KHDRBS3: variants seen among roughly 807,000 people sequenced by gnomAD.
The protein encoded by KHDRBS3 is KH RNA binding domain containing, signal transduction associated 3, also known as KH domain-containing, RNA-binding, signal transduction-associated protein 3.
In KHDRBS3, 23 loss-of-function variants were observed where a neutral mutation model predicts 45.6. That is an observed-to-expected ratio of 0.50 (90% CI 0.36 to 0.72). The LOEUF is 0.72. KHDRBS3 is among the 30% of genes least tolerant of loss of function. The pLI, the probability that KHDRBS3 is intolerant of heterozygous loss-of-function variation, is 0.00. For synonymous variants in KHDRBS3, 162 were observed against 156.5 expected, an observed-to-expected ratio of 1.04 and a Z score of -0.26; for missense variants, 352 against 424.8, an observed-to-expected ratio of 0.83 and a Z score of 1.51.
At chr8:135,573,760 G>A (rs960625514) in intron 5 of KHDRBS3, among the ~76,000 whole-genome samples, 28 of 151,842 alleles carry the variant, frequency 1.8e-4, no homozygotes, top group Non-Finnish European at 3.2e-4. Context: ...TTCATTCAAA[G>A]CATTCTTCCC....
At chr8:135,461,253 C>T (rs1448100290) in intron 1 of KHDRBS3, among the ~76,000 whole-genome samples, 6 of 151,968 alleles carry the variant, frequency 3.9e-5, no homozygotes, top group East Asian at 1.9e-4. Context: ...TGCAGGTGTG[C>T]GCCACCATGC....
chr8:135,616,099 C>T (rs146872269), intron 7 of KHDRBS3, among the ~76,000 whole-genome samples: 22 of 152,280 alleles, frequency 1.4e-4, no homozygotes, highest in African/African-American at 4.8e-4. Flanking sequence ...TGCGTACTTA[C>T]CAAGTGTGAG....
Position 135,457,820 on chromosome 8 carries a change from C to G in KHDRBS3, c.-47C>G. 7.5e-7 allele frequency: 1 copy of G among 1,339,812 alleles called. No individual in the cohort carries two copies. The highest frequency in any genetic ancestry group is 1.0e-6 in the Non-Finnish European group (1 of 994,730). The allele number at this position is 1,339,812 out of a possible 1,614,324, so 83.0% of individuals were successfully genotyped here. ...GGGGTCGGGGGTTGCCGGGCGCCGC[C>G]CCCCGTGCGCCTGGAGTCCACATCC... is the stretch of plus-strand genomic sequence containing the variant. On this transcript the variant is annotated 5_prime_UTR_variant, in exon 1 of 9. Coordinates refer to ENST00000355849, the MANE Select transcript of KHDRBS3 (RefSeq NM_006558.3). The surrounding 1 kb of genome is among the most constrained non-coding windows in gnomAD (Gnocchi z 4.4).
intron 3 of KHDRBS3, among the ~76,000 whole-genome samples, chr8:135,543,996 C>T (rs1024480271): frequency 6.6e-6 from 1 of 152,086 alleles, no homozygotes; most frequent in South Asian, 2.1e-4. Flanking sequence ...AAACATTGCT[C>T]TCTTAAATTA....
intron 1 of KHDRBS3, among the ~76,000 whole-genome samples, chr8:135,509,270 G>C (rs531573784): frequency 6.6e-6 from 1 of 152,282 alleles, no homozygotes; most frequent in South Asian, 2.1e-4. Context: ...GCCAGCTCTT[G>C]TAATTTGGTA....
chr8:135,497,868 G>A (rs1435966597), intron 1 of KHDRBS3, among the ~76,000 whole-genome samples: 3 of 152,104 alleles, frequency 2.0e-5, no homozygotes, highest in Admixed American at 6.5e-5. Context: ...CATTCTGTTT[G>A]TATTATTCCA....
chr8:135,478,181 G>T (rs184995945), intron 1 of KHDRBS3, among the ~76,000 whole-genome samples: 13 of 152,288 alleles, frequency 8.5e-5, no homozygotes, highest in Non-Finnish European at 1.5e-4. Flanking sequence ...GATGGGAAGG[G>T]CAAGGAAAAG....
intron 7 of KHDRBS3, among the ~76,000 whole-genome samples, chr8:135,633,318 C>T (rs1458152265): frequency 1.3e-5 from 2 of 152,224 alleles, no homozygotes; most frequent in African/African-American, 4.8e-5. Context: ...CAGGAGCTCT[C>T]TCTCCTGCAC....
intron 5 of KHDRBS3, among the ~76,000 whole-genome samples, chr8:135,571,354 T>TA (rs764543445): frequency 3.9e-5 from 6 of 152,288 alleles, no homozygotes; most frequent in Non-Finnish European, 8.8e-5. Context: ...GAACTTGTAA[T>TA]AGTTTTACTC....
chr8:135,621,253 A>T (rs998123261), intron 7 of KHDRBS3, among the ~76,000 whole-genome samples: 1 of 152,160 alleles, frequency 6.6e-6, no homozygotes, highest in African/African-American at 2.4e-5. Context: ...TAAGCAGCCA[A>T]AGGTTGAGAA....
At chr8:135,537,475 A>G (rs16905389) in intron 2 of KHDRBS3, among the ~76,000 whole-genome samples, 2,625 of 152,334 alleles carry the variant, frequency 0.017, 89 homozygotes, top group African/African-American at 0.06. Flanking sequence ...GGTCTTTACC[A>G]GTGAATAATA....
intron 1 of KHDRBS3, among the ~76,000 whole-genome samples, chr8:135,476,675 GCTAA>G (rs1051205860): frequency 3.3e-5 from 5 of 152,136 alleles, no homozygotes; most frequent in African/African-American, 9.7e-5. Context: ...CATCAGAAAG[GCTAA>G]CTAACTCTCA....
At chr8:135,500,527 G>A (rs905281322) in intron 1 of KHDRBS3, among the ~76,000 whole-genome samples, 1 of 152,206 alleles carries the variant, frequency 6.6e-6, no homozygotes, top group Non-Finnish European at 1.5e-5. Context: ...CTTCAGGGAA[G>A]GCAGTTAGCT....
In KHDRBS3 at chr8:135,645,117, G is replaced by A. The variant is rs1019959274; in HGVS notation, c.949G>A (p.Gly317Arg). ...CAGTGAGGAGACTTATGATTCCTACGGTGAGTGACTGGCCAGAGCATGTGA... is the reference window on the plus strand; with the variant it reads ...CAGTGAGGAGACTTATGATTCCTACAGTGAGTGACTGGCCAGAGCATGTGA... ...GLSEETYDSY[G>R]QEEWTNSRHK... The change falls in exon 8 of 9, where the codon GGG becomes AGG. Residue 317 changes from glycine to arginine, a missense_variant and splice_region_variant. Gly to Arg is a moderately radical substitution (Grantham distance 125). Around this residue, in one of 6 missense-constraint regions of KHDRBS3, gnomAD observed 212 missense variants for 209.6 expected, o/e 1.01. Transcript: ENST00000355849. 6.2e-7 allele frequency: 1 copy of A among 1,613,426 alleles called. No individual in the cohort carries two copies.
chr8:135,588,304 A>C (rs2130950812), intron 6 of KHDRBS3, among the ~76,000 whole-genome samples: 1 of 152,344 alleles, frequency 6.6e-6, no homozygotes, highest in African/African-American at 2.4e-5. Flanking sequence ...GTCAGATGGA[A>C]GAGACACATA....
intron 7 of KHDRBS3, chr8:135,625,566 A>G (rs1586823685): frequency 1.1e-6 from 1 of 936,724 alleles, no homozygotes; most frequent in East Asian, 2.4e-5. Context: ...GCAACGAGAG[A>G]GGGAGCCACT....
intron 1 of KHDRBS3, among the ~76,000 whole-genome samples, chr8:135,499,371 C>G (rs1586614902): frequency 1.3e-5 from 2 of 152,198 alleles, no homozygotes; most frequent in East Asian, 3.9e-4. Context: ...AGTTACGCGG[C>G]TGCTAAGTGG....
chr8:135,499,502 A>C (rs1823625072), intron 1 of KHDRBS3, among the ~76,000 whole-genome samples: 1 of 152,198 alleles, frequency 6.6e-6, no homozygotes, highest in South Asian at 2.1e-4. Flanking sequence ...TTTTATCTAC[A>C]CAAAATGCAA....
At chr8:135,512,163 C>G (rs1351522527) in intron 1 of KHDRBS3, among the ~76,000 whole-genome samples, 1 of 152,026 alleles carries the variant, frequency 6.6e-6, no homozygotes, top group African/African-American at 2.4e-5. Context: ...AAACATTTGT[C>G]ATGTTGGAGG....
Sources: allele counts gnomAD v4.1 joint callset (sites outside exome capture counted in the v4.1 genomes callset), GRCh38; gene constraint gnomAD v4.1.1; regional missense constraint gnomAD v4.1.1; non-coding constraint Gnocchi (gnomAD v3.1); transcripts MANE v1.5; gene names NCBI Gene and HGNC (gene_info 2026-07-23, HGNC 2026-07-21).